The following ADAR variants were observed in gnomAD, a reference collection of about 807,000 sequenced individuals.
The protein encoded by ADAR is adenosine deaminase RNA specific.
Under a neutral mutation model 113.2 loss-of-function variants are expected in ADAR, and 41 were observed. The observed-to-expected ratio is 0.36, with a 90% CI of 0.28 to 0.47. ADAR has a LOEUF of 0.47. Among genes scored for constraint, ADAR ranks in the 20% least tolerant of loss-of-function variants. The pLI, the probability that ADAR is intolerant of heterozygous loss-of-function variation, is 1.00. For synonymous variants in ADAR, 605 were observed against 572.6 expected, an observed-to-expected ratio of 1.06 and a Z score of -0.81; for missense variants, 1,242 against 1,540.9, an observed-to-expected ratio of 0.81 and a Z score of 3.25.
intron 4 of ADAR, 79 bp from the exon 5 acceptor site, chr1:154,597,346 TC>T: frequency 6.5e-7 from 1 of 1,534,648 alleles, no homozygotes; most frequent in Non-Finnish European, 8.9e-7. Context: ...CAGGCTGCCA[TC>T]CTCCACTACT....
chr1:154,607,555 G>A (rs1004699242), intron 1 of ADAR, among the ~76,000 whole-genome samples: 47 of 152,146 alleles, frequency 3.1e-4, no homozygotes, highest in African/African-American at 1.1e-3. Context: ...AGGGGCCCTA[G>A]CAGAAAGGGA....
chr1:154,598,005 C>T, intron 3 of ADAR, 29 bp from the exon 4 acceptor site: 1 of 1,608,514 alleles, frequency 6.2e-7, no homozygotes, highest in Non-Finnish European at 8.5e-7. Flanking sequence ...AAGAAGAAAA[C>T]AAAACTAAGA....
At chr1:154,610,143 C>G (rs972729800), upstream of ADAR, among the ~76,000 whole-genome samples, 9 of 152,168 alleles carry the variant, frequency 5.9e-5, no homozygotes, top group Non-Finnish European at 1.2e-4. Context: ...ACCAGACAGA[C>G]AGCATTAGCC....
In ADAR at chr1:154,598,508, T is replaced by A. The variant is rs778499456; in HGVS notation, c.1679A>T (p.Asp560Val). The A allele has an allele frequency of 6.2e-6, 10 of 1,614,106 alleles. No individual in the cohort carries two copies. The African/African-American group carries it at 1.2e-4, about 19-fold the overall frequency. The change falls in exon 3 of 15, where the codon GAT (aspartate) becomes GTT (valine). Residue 560 changes from aspartate to valine, a missense_variant. Asp to Val is a radical substitution (Grantham distance 152, BLOSUM62 -3). Around this residue, in one of 2 missense-constraint regions of ADAR, gnomAD observed 780 missense variants for 1,057.9 expected, o/e 0.74. Transcript: ENST00000368474. ...EAGSKKVAKQDAAMKAMTILL... is the reference protein window; with the variant it reads ...EAGSKKVAKQVAAMKAMTILL... Reference sequence around the variant, plus strand: ...AATTGTCATGGCTTTCATAGCTGCATCCTGCTTGGCCACTTTCTTGCTTCC... The same window carrying A: ...AATTGTCATGGCTTTCATAGCTGCAACCTGCTTGGCCACTTTCTTGCTTCC...
In ADAR at chr1:154,601,975, A is replaced by C; in HGVS notation, c.667T>G (p.Ser223Ala). 6.2e-7 allele frequency: 1 copy of C among 1,613,952 alleles called. No individual in the cohort carries two copies. ...PDGHSQGAPN[S>A]DPSLEPEDRN... ...TCTTCCGGTTCCAAACTCGGGTCTG[A>C]GTTTGGGGCTCCTTGGCTATGACCG... The change falls in exon 2 of 15, where the codon TCA becomes GCA. Residue 223 changes from serine to alanine, a missense_variant. By Grantham distance (99) the Ser-to-Ala change is moderately conservative. Around this residue, in one of 2 missense-constraint regions of ADAR, gnomAD observed 462 missense variants for 483.1 expected, o/e 0.96. Transcript: ENST00000368474. This position sits in a 1 kb window ranked among gnomAD's most constrained non-coding sequence, Gnocchi z 4.7.
intron 13 of ADAR, 50 bp downstream of exon 13, chr1:154,585,703 T>C: frequency 1.3e-6 from 2 of 1,489,158 alleles, no homozygotes; most frequent in Non-Finnish European, 1.9e-6. Flanking sequence ...TTTACATGAC[T>C]GCTTGAAAAG....
At chr1:154,590,122 C>T in intron 7 of ADAR, 62 bp downstream of exon 7, 1 of 1,486,522 alleles carries the variant, frequency 6.7e-7, no homozygotes, top group Non-Finnish European at 9.4e-7. Flanking sequence ...AGAGCCACCT[C>T]CACTTAGGAG....
In ADAR at chr1:154,608,027, CGGCCCGACCCGCCGGCGGCACGACCCT is replaced by C. The variant is rs762189862; in HGVS notation, c.-48_-22del. ...TTCATTGCGCCCGCGAGGCATTGCC[CGGCCCGACCCGCCGGCGGCACGACCCT>C]GGCCCGACCGCTGGGCCGCGCCAGC... On this transcript the variant is annotated 5_prime_UTR_variant, in exon 1 of 15. Transcript: ENST00000368474. 233 of 1,573,424 alleles carry C rather than the reference CGGCCCGACCCGCCGGCGGCACGACCCT, an allele frequency of 1.5e-4. No homozygotes were observed. The African/African-American group carries it at 1.7e-3, about 11-fold the overall frequency.
intron 2 of ADAR, 114 bp from the exon 3 acceptor site, chr1:154,598,699 G>GGAA (rs1553212185): frequency 4.2e-5 from 40 of 941,494 alleles, no homozygotes; most frequent in Non-Finnish European, 5.5e-5. Flanking sequence ...TTTCACTTGT[G>GGAA]GAGATGAAGG....
At chr1:154,603,868 C>G (rs1698033842) in intron 1 of ADAR, among the ~76,000 whole-genome samples, 1 of 152,176 alleles carries the variant, frequency 6.6e-6, no homozygotes, top group Non-Finnish European at 1.5e-5. Context: ...TTCCATAACT[C>G]TAGCCTTCTA....
rs1697857393 is a variant in ADAR at position 154,601,320 on chromosome 1, G to A, written c.1322C>T (p.Pro441Leu). The A allele has an allele frequency of 1.3e-5, 21 of 1,614,086 alleles. No individual in the cohort carries two copies. The highest frequency in any genetic ancestry group is 1.6e-5 in the Non-Finnish European group (19 of 1,180,044). ...AAAGTCAACATACCCTGCTTTTGAGGGGCCATTGTAATGAACAGGTGGTTT... is the reference window on the plus strand; with the variant it reads ...AAAGTCAACATACCCTGCTTTTGAGAGGCCATTGTAATGAACAGGTGGTTT... ...RLKPPVHYNG[P>L]SKAGYVDFEN... Residue 441 changes from proline to leucine, a missense_variant, in exon 2 of 15, where the codon CCC (proline) becomes CTC (leucine). By Grantham distance (98) the Pro-to-Leu change is moderately conservative. Coordinates refer to ENST00000368474, the MANE Select transcript of ADAR (RefSeq NM_001111.5). This position sits in a 1 kb window ranked among gnomAD's most constrained non-coding sequence, Gnocchi z 4.7.
intron 1 of ADAR, among the ~76,000 whole-genome samples, chr1:154,623,583 T>C (rs754718358): frequency 7.2e-5 from 11 of 152,210 alleles, no homozygotes; most frequent in Non-Finnish European, 1.5e-4. Context: ...GCCTATGATG[T>C]AGACCTCTCC....
upstream of ADAR, among the ~76,000 whole-genome samples, chr1:154,610,777 T>A (rs1392811965): frequency 8.0e-6 from 1 of 125,134 alleles, no homozygotes; most frequent in Non-Finnish European, 1.6e-5. Context: ...GCCATTGCAC[T>A]CCAGCCTGGA....
At chr1:154,590,846 T>C (rs1486867544) in intron 6 of ADAR, among the ~76,000 whole-genome samples, 2 of 151,450 alleles carry the variant, frequency 1.3e-5, no homozygotes, top group African/African-American at 4.9e-5. Flanking sequence ...CTCAGCTACT[T>C]GGGAGGCTGG....
rs1334024551 is a variant in ADAR at position 154,585,768 on chromosome 1, A to T, written c.3300T>A (p.Ile1100=). The T allele has an allele frequency of 1.2e-6, 2 of 1,613,834 alleles. No individual in the cohort carries two copies. The highest frequency in any genetic ancestry group is 2.2e-5 in the South Asian group (2 of 91,072). Residue 1100 remains isoleucine (I), a synonymous_variant, in exon 13 of 15, where the codon ATT becomes ATA. Coordinates refer to ENST00000368474, the MANE Select transcript of ADAR (RefSeq NM_001111.5). The part of the protein sequence containing the change: ...AFEDGLRHPF[I]VNHPKVGRVS... ...GTTATAGCACCTTGGGGTGGTTGAC[A>T]ATAAAGGGATGTCGTAGTCCATCCT...
Position 154,584,964 on chromosome 1 carries a change from T to C in ADAR, c.3523A>G (p.Arg1175Gly). 6.2e-7 allele frequency: 1 copy of C among 1,614,192 alleles called. No homozygotes were observed. The highest frequency in any genetic ancestry group is 8.5e-7 in the Non-Finnish European group (1 of 1,180,036). Residue 1175 changes from arginine to glycine, a missense_variant, in exon 15 of 15, where the codon AGG (arginine) becomes GGG (glycine). By Grantham distance (125) the Arg-to-Gly change is moderately radical (BLOSUM62 -2). Transcript: ENST00000368474. ...FKKLCSFRYR[R>G]DLLRLSYGEA... ...CCATAGGAGAGTCTCAGTAGATCCCTGCGGTAACGGAAGGAGCAGAGCTTC... is the reference window on the plus strand; with the variant it reads ...CCATAGGAGAGTCTCAGTAGATCCCCGCGGTAACGGAAGGAGCAGAGCTTC...
At position 154,586,077 on chromosome 1, in the gene ADAR, T is replaced by C. The variant is rs935403162; in HGVS notation, c.3202+104A>G. 5 of 1,451,114 alleles carry C rather than the reference T, an allele frequency of 3.4e-6. No individual in the cohort carries two copies. The African/African-American group carries it at 5.6e-5, about 16-fold the overall frequency. 89.9% of individuals were successfully genotyped at this position (1,451,114 alleles called of 1,614,324 possible). A position where few individuals can be genotyped will look rare whatever the true frequency, so the allele number is the denominator to read the frequency against. On this transcript the variant is annotated intron_variant, in intron 12 of 14. Transcript: ENST00000368474. ...TCAATTACTGAGGAGTGAATCATGCTCACTTTGATAAGGGAGACAAAACAC... is the reference window on the plus strand; with the variant it reads ...TCAATTACTGAGGAGTGAATCATGCCCACTTTGATAAGGGAGACAAAACAC...
intron 12 of ADAR, 21 bp downstream of exon 12, chr1:154,586,160 A>G (rs1285958309): frequency 2.5e-6 from 4 of 1,613,734 alleles, no homozygotes; most frequent in Non-Finnish European, 3.4e-6. Context: ...CCAGTTCCAG[A>G]TCCCAAGGCA....
intron 6 of ADAR, 105 bp downstream of exon 6, chr1:154,596,700 C>G (rs1048919063): frequency 3.0e-6 from 4 of 1,342,790 alleles, no homozygotes; most frequent in Admixed American, 1.8e-5. Context: ...TTTCCCTCAA[C>G]TCGCCCCTTC....
Sources: allele counts gnomAD v4.1 joint callset (sites outside exome capture counted in the v4.1 genomes callset), GRCh38; gene constraint gnomAD v4.1.1; regional missense constraint gnomAD v4.1.1; non-coding constraint Gnocchi (gnomAD v3.1); transcripts MANE v1.5; gene names NCBI Gene and HGNC (gene_info 2026-07-23, HGNC 2026-07-21).